LRRC3B: variants seen among roughly 807,000 people sequenced by gnomAD.
LRRC3B encodes leucine-rich repeat-containing protein 3B.
Under a neutral mutation model 12.8 loss-of-function variants are expected in LRRC3B, and 2 were observed. That is an observed-to-expected ratio of 0.16 (90% confidence interval 0.06 to 0.49). The LOEUF (loss-of-function observed/expected upper bound fraction) is 0.49. Ranked by LOEUF, LRRC3B falls within the 20% of genes least tolerant of loss-of-function variation. LRRC3B has a pLI of 0.96. For missense variants in LRRC3B, 189 were observed against 319.4 expected (o/e 0.59, Z 3.11); for synonymous variants, 132 against 122.0 (o/e 1.08, Z -0.54).
At chr3:26,630,355 G>A (rs1468572440) in intron 1 of LRRC3B, among the ~76,000 whole-genome samples, 1 of 152,158 alleles carries the variant, frequency 6.6e-6, no homozygotes, top group African/African-American at 2.4e-5. Flanking sequence ...TGCGGGCCCT[G>A]GAATGGTGTT....
At chr3:26,631,304 C>T (rs1303320863) in intron 1 of LRRC3B, among the ~76,000 whole-genome samples, 2 of 152,194 alleles carry the variant, frequency 1.3e-5, no homozygotes, top group Non-Finnish European at 2.9e-5. Context: ...TATCAGACTA[C>T]ATTGCATTTC....
chr3:26,675,113 C>A (rs781401885), intron 1 of LRRC3B, among the ~76,000 whole-genome samples: 1 of 152,056 alleles, frequency 6.6e-6, no homozygotes, highest in Non-Finnish European at 1.5e-5. Context: ...TATGTCTTCC[C>A]GGTGTGGTTC....
intron 1 of LRRC3B, among the ~76,000 whole-genome samples, chr3:26,635,538 A>G (rs1400444913): frequency 1.3e-5 from 2 of 152,012 alleles, no homozygotes; most frequent in Admixed American, 1.3e-4. Context: ...CCATGTGAGG[A>G]CACAGTGAGA....
intron 1 of LRRC3B, among the ~76,000 whole-genome samples, chr3:26,666,818 C>G (rs1183354533): frequency 1.3e-5 from 2 of 152,114 alleles, no homozygotes; most frequent in African/African-American, 4.8e-5. Flanking sequence ...CTCCTCTGGT[C>G]TGTGACAGTT....
At chr3:26,692,321 A>G (rs1700208695) in intron 1 of LRRC3B, among the ~76,000 whole-genome samples, 1 of 152,220 alleles carries the variant, frequency 6.6e-6, no homozygotes, top group Non-Finnish European at 1.5e-5. Flanking sequence ...TAACCCCTGG[A>G]CTATACTAAT....
At chr3:26,678,956 C>T (rs1340341273) in intron 1 of LRRC3B, among the ~76,000 whole-genome samples, 1 of 152,128 alleles carries the variant, frequency 6.6e-6, no homozygotes, top group Non-Finnish European at 1.5e-5. Context: ...TGGGTGGGCT[C>T]TGTTGACAAC....
chr3:26,656,270 C>T (rs975087444), intron 1 of LRRC3B, among the ~76,000 whole-genome samples: 12 of 152,150 alleles, frequency 7.9e-5, no homozygotes, highest in Admixed American at 6.6e-4. Context: ...CTATAACAAA[C>T]TGATCCAAAT....
chr3:26,647,147 C>T (rs1575124340), intron 1 of LRRC3B, among the ~76,000 whole-genome samples: 1 of 152,132 alleles, frequency 6.6e-6, no homozygotes, highest in African/African-American at 2.4e-5. Flanking sequence ...TCCAATCACC[C>T]CATGGCATGC....
At chr3:26,689,036 T>G (rs1317815629) in intron 1 of LRRC3B, among the ~76,000 whole-genome samples, 1 of 152,176 alleles carries the variant, frequency 6.6e-6, no homozygotes, top group East Asian at 1.9e-4. Flanking sequence ...AGTGCCACTT[T>G]CCACAGGTGG....
At chr3:26,650,628 A>C (rs1699245272) in intron 1 of LRRC3B, among the ~76,000 whole-genome samples, 1 of 152,148 alleles carries the variant, frequency 6.6e-6, no homozygotes, top group Non-Finnish European at 1.5e-5. Flanking sequence ...AATGTTAGTG[A>C]TAAAATACCC....
intron 1 of LRRC3B, among the ~76,000 whole-genome samples, chr3:26,667,672 A>G (rs964575385): frequency 2.6e-5 from 4 of 152,172 alleles, no homozygotes; most frequent in African/African-American, 9.7e-5. Context: ...GATTTTCTGG[A>G]AATATCATAT....
At chr3:26,685,398 A>G (rs1700055082) in intron 1 of LRRC3B, among the ~76,000 whole-genome samples, 1 of 148,872 alleles carries the variant, frequency 6.7e-6, no homozygotes, top group Non-Finnish European at 1.5e-5. Context: ...CTATCTTACT[A>G]GTATGTGACC....
chr3:26,625,211 G>T (rs1698598339), intron 1 of LRRC3B: 1 of 152,284 alleles, frequency 6.6e-6, no homozygotes, highest in Admixed American at 6.5e-5. Context: ...GTACCAGTTG[G>T]GAAAAAGCAA....
intron 1 of LRRC3B, among the ~76,000 whole-genome samples, chr3:26,659,283 C>T (rs1699443489): frequency 6.6e-6 from 1 of 152,300 alleles, no homozygotes; most frequent in African/African-American, 2.4e-5. Flanking sequence ...ATCAGGGCAG[C>T]ATTCTTACCA....
chr3:26,696,698 A>C (rs1700326861), intron 1 of LRRC3B, among the ~76,000 whole-genome samples: 1 of 152,132 alleles, frequency 6.6e-6, no homozygotes, highest in Non-Finnish European at 1.5e-5. Context: ...GTTCCACCAC[A>C]TTTCTATCTC....
chr3:26,709,068 G>A (rs1048664590), intron 1 of LRRC3B, among the ~76,000 whole-genome samples: 2 of 152,198 alleles, frequency 1.3e-5, no homozygotes, highest in Admixed American at 1.3e-4. Context: ...AGCCATGACA[G>A]ATATCCCTGT....
At position 26,670,155 on chromosome 3, in the gene LRRC3B, C is replaced by G. The variant is rs1434011239; in HGVS notation, c.-160-39358C>G. Among the ~76,000 whole-genome samples the G allele has an allele frequency of 1.6e-4, 25 of 152,116 alleles. 1 individual carries two copies. Among genetic ancestry groups the G allele is most frequent in the Admixed American group, 1.6e-3 (25 of 15,272 alleles). On this transcript the variant is annotated intron_variant, in intron 1 of 1. Transcript: ENST00000396641. ...CTGTTAATTAATCTACTTCTTTCAT[C>G]ACAGAAGAAATGAGGGTGATTTAGG...
At chr3:26,661,898 A>C (rs2125423520) in intron 1 of LRRC3B, among the ~76,000 whole-genome samples, 1 of 152,244 alleles carries the variant, frequency 6.6e-6, no homozygotes, top group East Asian at 1.9e-4. Context: ...CCTTTTAAAG[A>C]CTGGTGGTCA....
chr3:26,665,261 A>G (rs2125426171), intron 1 of LRRC3B, among the ~76,000 whole-genome samples: 1 of 152,284 alleles, frequency 6.6e-6, no homozygotes. Flanking sequence ...ATTCAAGGCC[A>G]GATCCCAGTT....
Sources: allele counts gnomAD v4.1 joint callset (sites outside exome capture counted in the v4.1 genomes callset), GRCh38; gene constraint gnomAD v4.1.1; transcripts MANE v1.5; gene names NCBI Gene and HGNC (gene_info 2026-07-23, HGNC 2026-07-21).